The following THSD7B variants were observed in gnomAD, a reference collection of about 807,000 sequenced individuals.
THSD7B encodes the protein thrombospondin type 1 domain containing 7B, also known as thrombospondin type-1 domain-containing protein 7B.
THSD7B carries 138 observed loss-of-function variants against 213.6 expected under a neutral mutation model. The ratio of observed to expected loss-of-function variants is 0.65; its 90% CI spans 0.56 to 0.74. THSD7B has a LOEUF of 0.74. Among genes scored for constraint, THSD7B ranks in the 30% least tolerant of loss-of-function variants. THSD7B has a pLI of 0.00. For missense variants in THSD7B, 1,931 were observed against 1,991.5 expected (o/e 0.97, Z 0.58); for synonymous variants, 742 against 687.0 (o/e 1.08, Z -1.25).
At chr2:136,909,912 A>G (rs1033318396) in intron 2 of THSD7B, among the ~76,000 whole-genome samples, 3 of 152,058 alleles carry the variant, frequency 2.0e-5, no homozygotes, top group Non-Finnish European at 4.4e-5. Flanking sequence ...TACTGGCATA[A>G]TGGGAGGGCA....
At chr2:136,790,936 G>A (rs559041770) in intron 1 of THSD7B, among the ~76,000 whole-genome samples, 1 of 152,132 alleles carries the variant, frequency 6.6e-6, no homozygotes, top group South Asian at 2.1e-4. Flanking sequence ...CACTGACATT[G>A]GAGGCCTTAG....
chr2:137,406,039 C>G (rs924861805), intron 13 of THSD7B, among the ~76,000 whole-genome samples: 1 of 152,148 alleles, frequency 6.6e-6, no homozygotes, highest in African/African-American at 2.4e-5. Context: ...AAGTTCCTCT[C>G]TATATAGTTT....
intron 15 of THSD7B, among the ~76,000 whole-genome samples, chr2:137,518,051 A>T (rs1680107530): frequency 6.6e-6 from 1 of 151,750 alleles, no homozygotes; most frequent in African/African-American, 2.4e-5. Context: ...CATCAAATGG[A>T]AGTGGTTGGG....
chr2:136,980,434 C>G (rs1417073560), intron 2 of THSD7B, among the ~76,000 whole-genome samples: 1 of 152,164 alleles, frequency 6.6e-6, no homozygotes, highest in African/African-American at 2.4e-5. Context: ...GTCCATAAAG[C>G]CCTGGCTGGA....
intron 25 of THSD7B, 66 bp from the exon 26 acceptor site, chr2:137,663,316 AT>A (rs1259696089): frequency 1.5e-6 from 2 of 1,321,718 alleles, no homozygotes; most frequent in Non-Finnish European, 2.0e-6. Flanking sequence ...TGATTTTAAC[AT>A]TATATTTTTA....
At position 136,893,321 on chromosome 2, in the gene THSD7B, A is replaced by T. The variant is rs142206533; in HGVS notation, c.139+11004A>T. Among the ~76,000 whole-genome samples the T allele has an allele frequency of 1.1e-4, 17 of 152,350 alleles. No homozygotes were observed. In the East Asian group the frequency reaches 3.3e-3, roughly 29 times the overall value. On this transcript the variant is annotated intron_variant, in intron 2 of 27. Coordinates refer to ENST00000409968, the MANE Select transcript of THSD7B (RefSeq NM_001316349.2). ...GGAGTTGAATTGAGATACTGGATTG[A>T]CAATTTGATATGGGAAATATTCTGC...
chr2:137,316,576 C>G (rs1257557810), intron 12 of THSD7B, among the ~76,000 whole-genome samples: 3 of 151,828 alleles, frequency 2.0e-5, no homozygotes, highest in Non-Finnish European at 4.4e-5. Flanking sequence ...GAGATCGAGA[C>G]CACAGTGAAA....
intron 2 of THSD7B, among the ~76,000 whole-genome samples, chr2:136,956,779 A>G (rs906189526): frequency 9.2e-5 from 14 of 151,472 alleles, no homozygotes; most frequent in Non-Finnish European, 1.6e-4. Context: ...TCCCGGGTTC[A>G]AGTGATTCTC....
intron 14 of THSD7B, among the ~76,000 whole-genome samples, chr2:137,445,937 A>G (rs753927597): frequency 5.0e-4 from 76 of 152,040 alleles, no homozygotes; most frequent in Non-Finnish European, 7.7e-4. Flanking sequence ...ATAAACTTTA[A>G]AAAGCAGGTT....
chr2:137,445,054 G>T (rs893876720), intron 14 of THSD7B, among the ~76,000 whole-genome samples: 1 of 151,880 alleles, frequency 6.6e-6, no homozygotes, highest in Non-Finnish European at 1.5e-5. Flanking sequence ...AAACCACAAT[G>T]AGATATTATA....
chr2:137,343,841 C>T (rs1684813768), intron 12 of THSD7B, among the ~76,000 whole-genome samples: 1 of 151,764 alleles, frequency 6.6e-6, no homozygotes, highest in Admixed American at 6.6e-5. Context: ...TTAACGAATG[C>T]ATAACTTCAT....
chr2:137,623,019 C>G (rs995296172), intron 20 of THSD7B, among the ~76,000 whole-genome samples: 1 of 151,994 alleles, frequency 6.6e-6, no homozygotes, highest in African/African-American at 2.4e-5. Flanking sequence ...GGCAGAGACA[C>G]AACAAAAAAA....
At chr2:137,136,504 G>A (rs1403238547) in intron 5 of THSD7B, among the ~76,000 whole-genome samples, 3 of 152,166 alleles carry the variant, frequency 2.0e-5, no homozygotes, top group Admixed American at 2.0e-4. Flanking sequence ...ATGCAGCTGA[G>A]TTCTGATTGG....
At chr2:137,026,939 C>T (rs1686567292) in intron 2 of THSD7B, among the ~76,000 whole-genome samples, 1 of 152,090 alleles carries the variant, frequency 6.6e-6, no homozygotes, top group South Asian at 2.1e-4. Context: ...AGCCATAATC[C>T]AACACATTCC....
chr2:136,958,090 A>G (rs1573733885), intron 2 of THSD7B, among the ~76,000 whole-genome samples: 1 of 152,312 alleles, frequency 6.6e-6, no homozygotes, highest in East Asian at 1.9e-4. Flanking sequence ...TAATATTCTC[A>G]TCTTATTTTA....
In THSD7B at chr2:137,186,523, A is replaced by T. The variant is rs977894668; in HGVS notation, c.1723+15585A>T. On this transcript the variant is annotated intron_variant, in intron 7 of 27. Transcript: ENST00000409968. ...CTTTATGGACTTTGGATGACTGTAGATGTGTGGCTTTATTTTTGAGTTCTC... is the reference window on the plus strand; with the variant it reads ...CTTTATGGACTTTGGATGACTGTAGTTGTGTGGCTTTATTTTTGAGTTCTC... Among the ~76,000 whole-genome samples, 26 of 152,006 alleles carry T rather than the reference A, an allele frequency of 1.7e-4. 1 individual carries two copies. Among genetic ancestry groups the T allele is most frequent in the Admixed American group, 1.7e-3 (26 of 15,248 alleles).
intron 5 of THSD7B, among the ~76,000 whole-genome samples, chr2:137,143,066 C>T (rs1289333111): frequency 6.6e-6 from 1 of 152,044 alleles, no homozygotes; most frequent in Non-Finnish European, 1.5e-5. Flanking sequence ...TAAGAGTATC[C>T]TGCATACCAG....
intron 7 of THSD7B, among the ~76,000 whole-genome samples, chr2:137,204,351 G>A (rs548082933): frequency 6.6e-6 from 1 of 152,228 alleles, no homozygotes; most frequent in South Asian, 2.1e-4. Flanking sequence ...TTATGGTGAA[G>A]AGAACTATGC....
At position 137,659,799 on chromosome 2, in the gene THSD7B, C is replaced by T. The variant is rs16839261; in HGVS notation, c.4458+53C>T. The T allele has an allele frequency of 5.0e-3, 7,521 of 1,513,442 alleles. 277 individuals carry two copies. The African/African-American group carries it at 0.089, about 18-fold the overall frequency. The allele number at this position is 1,513,442 out of a possible 1,614,324, so 93.8% of individuals were successfully genotyped here. On this transcript the variant is annotated intron_variant, in intron 25 of 27. Transcript: ENST00000409968. ...AGTGCATTAATTGCTGTGTTTTACA[C>T]ATGCAATCAGATGTTCTCCTGCCGG...
Sources: gnomAD v4.1 joint callset for allele counts (sites outside exome capture counted in the v4.1 genomes callset) on GRCh38, gnomAD v4.1.1 for gene constraint, MANE v1.5 for transcripts, NCBI Gene and HGNC (gene_info 2026-07-23, HGNC 2026-07-21) for gene names.